The following SLC71A2 variants were observed in gnomAD, a reference collection of about 807,000 sequenced individuals.
SLC71A2 encodes solute carrier family 71 member 2, also known as hippocampus abundant transcript-like 1.
At chr9:94,409,368 CTTAA>C in the SLC71A2 span, among the ~76,000 whole-genome samples, 1 of 13,864 alleles carries the variant, frequency 7.2e-5, no homozygotes, top group African/African-American at 4.0e-3. Context: ...CCAAGCTGGT[CTTAA>C]CTTCTTAACT....
the SLC71A2 span, among the ~76,000 whole-genome samples, chr9:94,435,900 C>G: frequency 6.6e-5 from 10 of 152,174 alleles, no homozygotes; most frequent in African/African-American, 2.4e-4. Flanking sequence ...ATCCGCCCGC[C>G]TCAACCTCCC....
At chr9:94,419,297 T>TC in the SLC71A2 span, among the ~76,000 whole-genome samples, 5 of 111,116 alleles carry the variant, frequency 4.5e-5, no homozygotes, top group Admixed American at 2.2e-4. Flanking sequence ...AACTTTTTTT[T>TC]CTTTTTTTTT....
chr9:94,423,265 C>CTT, the SLC71A2 span, among the ~76,000 whole-genome samples: 11 of 140,160 alleles, frequency 7.8e-5, no homozygotes, highest in East Asian at 2.1e-3. Context: ...CTCTCTCTCT[C>CTT]TTTTTTTTTT....
the SLC71A2 span, among the ~76,000 whole-genome samples, chr9:94,417,212 C>T: frequency 6.6e-6 from 1 of 152,070 alleles, no homozygotes; most frequent in Admixed American, 6.6e-5. Flanking sequence ...TGGTAAAATA[C>T]ACATAACAAA....
At chr9:94,449,348 C>T in the SLC71A2 span, among the ~76,000 whole-genome samples, 1 of 152,044 alleles carries the variant, frequency 6.6e-6, no homozygotes, top group Non-Finnish European at 1.5e-5. Flanking sequence ...AACTTGTATC[C>T]AGAATACATG....
At chr9:94,458,339 A>G in the SLC71A2 span, 64 of 1,608,870 alleles carry the variant, frequency 4.0e-5, no homozygotes, top group Non-Finnish European at 5.3e-5. Context: ...CCAGGGGATC[A>G]TAACTGGAAT....
At chr9:94,382,945 G>A in the SLC71A2 span, among the ~76,000 whole-genome samples, 1 of 152,010 alleles carries the variant, frequency 6.6e-6, no homozygotes, top group African/African-American at 2.4e-5. Context: ...CACCTGCCTC[G>A]GCCTCCCAAA....
At chr9:94,450,191 T>A in the SLC71A2 span, among the ~76,000 whole-genome samples, 2 of 152,328 alleles carry the variant, frequency 1.3e-5, 1 homozygote, top group Non-Finnish European at 2.9e-5. Context: ...AATGGGTGAA[T>A]TGTATGGTAT....
the SLC71A2 span, among the ~76,000 whole-genome samples, chr9:94,455,156 C>CTTTTTTTTTTTTTT: frequency 3.6e-4 from 10 of 27,684 alleles, no homozygotes; most frequent in Non-Finnish European, 5.2e-4. Flanking sequence ...TTGCTCTTTC[C>CTTTTTTTTTTTTTT]TTTTTTTTTT....
the SLC71A2 span, among the ~76,000 whole-genome samples, chr9:94,455,639 CAT>C: frequency 1.3e-5 from 2 of 152,150 alleles, no homozygotes; most frequent in Admixed American, 6.5e-5. Context: ...ACTTTGTCAT[CAT>C]GTGAGGTTTT....
At chr9:94,458,981 C>T in the SLC71A2 span, among the ~76,000 whole-genome samples, 1 of 152,162 alleles carries the variant, frequency 6.6e-6, no homozygotes, top group Non-Finnish European at 1.5e-5. Context: ...ATTAGTTGCC[C>T]TTTGTCATAT....
chr9:94,459,069 G>T, the SLC71A2 span: 1 of 1,290,134 alleles, frequency 7.8e-7, no homozygotes. Context: ...TTCACTTTTT[G>T]GTGGTGTGTT....
At chr9:94,459,416 CGGCAG>C in the SLC71A2 span, 2 of 1,613,064 alleles carry the variant, frequency 1.2e-6, no homozygotes, top group East Asian at 4.5e-5. Context: ...GCTGTAAACT[CGGCAG>C]AAAGTGGGAT....
At chr9:94,409,831 A>G in the SLC71A2 span, among the ~76,000 whole-genome samples, 1 of 151,378 alleles carries the variant, frequency 6.6e-6, no homozygotes, top group Non-Finnish European at 1.5e-5. Flanking sequence ...TGTATAAATT[A>G]ACTCCTTTTA....
At chr9:94,408,826 TG>T in the SLC71A2 span, among the ~76,000 whole-genome samples, 66,465 of 121,544 alleles carry the variant, frequency 0.55, 20,219 homozygotes, top group Middle Eastern at 0.73. Flanking sequence ...CTGTTTTTTT[TG>T]TTTGTTTGTT....
At chr9:94,424,727 CTTTTTTTTT>C in the SLC71A2 span, among the ~76,000 whole-genome samples, 83 of 91,830 alleles carry the variant, frequency 9.0e-4, 1 homozygote, top group South Asian at 0.03. Context: ...TTGTTTTCTG[CTTTTTTTTT>C]TTTTTTTTTT....
chr9:94,395,493 T>C, the SLC71A2 span, among the ~76,000 whole-genome samples: 1 of 152,112 alleles, frequency 6.6e-6, no homozygotes, highest in East Asian at 1.9e-4. Flanking sequence ...CTTAATGATA[T>C]TGCTGAGGAC....
the SLC71A2 span, chr9:94,459,288 G>A: frequency 1.9e-6 from 3 of 1,614,160 alleles, no homozygotes; most frequent in African/African-American, 2.7e-5. Context: ...AACAGCAGCA[G>A]CGGCAGCCTG....
At chr9:94,451,049 C>G in the SLC71A2 span, among the ~76,000 whole-genome samples, 1 of 152,194 alleles carries the variant, frequency 6.6e-6, no homozygotes, top group Non-Finnish European at 1.5e-5. Flanking sequence ...CTTTTGCTTA[C>G]ATCATGATTT....
Sources: gnomAD v4.1 joint callset for allele counts (sites outside exome capture counted in the v4.1 genomes callset) on GRCh38, gnomAD v4.1.1 for gene constraint, MANE v1.5 for transcripts, NCBI Gene and HGNC (gene_info 2026-07-23, HGNC 2026-07-21) for gene names.